Variants in ASPSCR1 observed in about 807,000 individuals in gnomAD.
ASPSCR1 encodes ASPSCR1 tether for SLC2A4, UBX domain containing.
ASPSCR1 carries 55 observed loss-of-function variants against 68.9 expected under a neutral mutation model. That is an observed-to-expected ratio of 0.80 (90% CI 0.64 to 1.00). The LOEUF (loss-of-function observed/expected upper bound fraction) is 1.00. ASPSCR1 is among the 50% of genes least tolerant of loss of function. ASPSCR1 has a pLI of 0.00. For missense variants in ASPSCR1, 765 were observed against 762.2 expected (o/e 1.00, Z -0.04); for synonymous variants, 352 against 332.6 (o/e 1.06, Z -0.63).
At position 81,977,732 on chromosome 17, in the gene ASPSCR1, G is replaced by T; in HGVS notation, c.86G>T (p.Ser29Ile). 7.8e-7 allele frequency: 1 copy of T among 1,279,240 alleles called. No homozygotes were observed. The allele number at this position is 1,279,240 out of a possible 1,614,324, so 79.2% of individuals were successfully genotyped here. Residue 29 changes from serine to isoleucine, a missense_variant, in exon 1 of 16, where the codon AGC becomes ATC. Transcript: ENST00000306739. The surrounding 1 kb of genome is among the most constrained non-coding windows in gnomAD (Gnocchi z 5.0). ...CGCCACACGGTGAAGGTGACGCCGA[G>T]CACCGTGCTGCTTCAGGTGCGGCCG... Reference protein sequence around the residue: ...GRRHTVKVTPSTVLLQVLEDT... With the variant: ...GRRHTVKVTPITVLLQVLEDT...
chr17:82,016,954 G>A lies in ASPSCR1; in HGVS notation c.1489G>A (p.Ala497Thr), dbSNP rs747243769. The A allele has an allele frequency of 6.2e-7, 1 of 1,611,718 alleles. No homozygotes were observed. The highest frequency in any genetic ancestry group is 1.1e-5 in the South Asian group (1 of 91,028). The change falls in exon 15 of 16, where the codon GCC becomes ACC. Residue 497 changes from alanine to threonine, a missense_variant. Transcript: ENST00000306739. Reference protein sequence around the residue: ...DVLVARYMSRAAGSPSPLPAP... With the variant: ...DVLVARYMSRTAGSPSPLPAP... ...GCCTCCCCACAGGTACATGTCCAGG[G>A]CCGCCGGGTCCCCTTCCCCATTGCC...
Position 81,977,934 on chromosome 17 carries a change from C to G in ASPSCR1, c.102+186C>G. ...GCTTCCGCTGGGGTCCCGGGGGTCC[C>G]GGGGGTCCCGAGTGGGGGCGGGGCG... On this transcript the variant is annotated intron_variant, in intron 1 of 15. Transcript: ENST00000306739. The surrounding 1 kb of genome is among the most constrained non-coding windows in gnomAD (Gnocchi z 5.0). 2.8e-6 allele frequency: 1 copy of G among 354,038 alleles called. No individual in the cohort carries two copies. The highest frequency in any genetic ancestry group is 4.8e-6 in the Non-Finnish European group (1 of 208,764). The allele number at this position is 354,038 out of a possible 1,614,324, so 21.9% of individuals were successfully genotyped here. A position where few individuals can be genotyped will look rare whatever the true frequency, so the allele number is the denominator to read the frequency against.
At chr17:82,000,091 G>A (rs1353317666) in intron 7 of ASPSCR1, among the ~76,000 whole-genome samples, 1 of 152,252 alleles carries the variant, frequency 6.6e-6, no homozygotes, top group Non-Finnish European at 1.5e-5. Flanking sequence ...CGACCCGTGT[G>A]CTCCGGGTGA....
chr17:81,997,366 G>A (rs1361576260), intron 7 of ASPSCR1, among the ~76,000 whole-genome samples: 1 of 152,182 alleles, frequency 6.6e-6, no homozygotes, highest in Non-Finnish European at 1.5e-5. Flanking sequence ...CAGGGAAGGG[G>A]GAGCTGGTGA....
intron 3 of ASPSCR1, among the ~76,000 whole-genome samples, chr17:81,984,252 C>T (rs1014184264): frequency 3.3e-5 from 5 of 152,178 alleles, no homozygotes; most frequent in Admixed American, 6.5e-5. Flanking sequence ...CCAGCCTGAC[C>T]ACCTGCTCAT....
chr17:81,992,316 G>C (rs760807090), intron 4 of ASPSCR1, among the ~76,000 whole-genome samples: 2 of 152,180 alleles, frequency 1.3e-5, no homozygotes, highest in Non-Finnish European at 2.9e-5. Flanking sequence ...ACACTGGGCC[G>C]GCGTAGAAGG....
chr17:82,014,040 C>T (rs1023014897), intron 12 of ASPSCR1: 9 of 152,256 alleles, frequency 5.9e-5, no homozygotes, highest in African/African-American at 2.2e-4. Context: ...GCAAGCCTGG[C>T]TCCTAACACC....
At chr17:82,009,707 T>C in intron 9 of ASPSCR1, 140 bp downstream of exon 9, 1 of 629,104 alleles carries the variant, frequency 1.6e-6, no homozygotes, top group Non-Finnish European at 2.7e-6. Flanking sequence ...TGGTGGCGAC[T>C]GAGGCACAGC....
chr17:82,016,643 A>C (rs1190678288), intron 13 of ASPSCR1, 116 bp downstream of exon 13: 4 of 1,466,906 alleles, frequency 2.7e-6, no homozygotes, highest in South Asian at 1.2e-5. Flanking sequence ...TGAGAGGGAG[A>C]TCTGCGGCCC....
At chr17:81,978,916 C>G (rs1331456048) in intron 1 of ASPSCR1, 1 of 547,508 alleles carries the variant, frequency 1.8e-6, no homozygotes, top group African/African-American at 1.9e-5. Flanking sequence ...AGGAAGATGC[C>G]CGTGTTGCTG....
In ASPSCR1 at chr17:81,986,300, T is replaced by TACCA. The variant is rs771334750; in HGVS notation, c.374+693_374+694insACCA. ...TTAGGCCAGGCATAGTGCATGGTGG[T>TACCA]GCGTGCCTGTGGTCCCAGCTATGCC... On this transcript the variant is annotated intron_variant, in intron 4 of 15. Transcript: ENST00000306739. The surrounding 1 kb of genome is among the most constrained non-coding windows in gnomAD (Gnocchi z 5.2). Among the ~76,000 whole-genome samples, 13 of 152,080 alleles carry TACCA rather than the reference T, an allele frequency of 8.5e-5. No homozygotes were observed. The highest frequency in any genetic ancestry group is 3.9e-4 in the Admixed American group (6 of 15,262).
At chr17:82,005,542 C>T (rs1391001261) in intron 7 of ASPSCR1, 2 of 152,222 alleles carry the variant, frequency 1.3e-5, no homozygotes, top group Non-Finnish European at 2.9e-5. Context: ...CCAGGGACAC[C>T]TGGCGGCCAC....
At chr17:81,991,802 G>A (rs1415503869) in intron 4 of ASPSCR1, among the ~76,000 whole-genome samples, 1 of 152,272 alleles carries the variant, frequency 6.6e-6, no homozygotes, top group African/African-American at 2.4e-5. Flanking sequence ...CAGGGCGCAT[G>A]CTGCTGCCTG....
chr17:82,010,494 A>C lies in ASPSCR1; in HGVS notation c.1171-308A>C, dbSNP rs1192033973. ...CAGTGAGCCGAGATCATGCCACTGC[A>C]CTCCAGCCTGGGCGACAGAGTGAGA... On this transcript the variant is annotated intron_variant, in intron 9 of 15. Coordinates refer to ENST00000306739, the MANE Select transcript of ASPSCR1 (RefSeq NM_024083.4). Among the ~76,000 whole-genome samples, 16 of 143,422 alleles carry C rather than the reference A, an allele frequency of 1.1e-4. No homozygotes were observed. In the Admixed American group the frequency reaches 1.2e-3, roughly 11 times the overall value. The allele number at this position is 143,422 out of a possible 152,430, so 94.1% of individuals were successfully genotyped here. A position where few individuals can be genotyped will look rare whatever the true frequency, so the allele number is the denominator to read the frequency against.
intron 4 of ASPSCR1, among the ~76,000 whole-genome samples, chr17:81,991,105 A>G (rs2042146576): frequency 1.3e-5 from 2 of 152,158 alleles, no homozygotes; most frequent in African/African-American, 4.8e-5. Flanking sequence ...CTCACACAGC[A>G]GCTGAGCCGC....
chr17:82,003,954 C>T (rs2042621011), intron 7 of ASPSCR1, among the ~76,000 whole-genome samples: 1 of 152,248 alleles, frequency 6.6e-6, no homozygotes, highest in Admixed American at 6.5e-5. Flanking sequence ...CTCACCGGAG[C>T]CCTGGCGGGG....
At chr17:82,007,354 T>G (rs1472991018) in intron 7 of ASPSCR1, 1 of 152,136 alleles carries the variant, frequency 6.6e-6, no homozygotes, top group Non-Finnish European at 1.5e-5. Context: ...AATTAGAGAT[T>G]TTTTCAGTTT....
In ASPSCR1 at chr17:82,002,456, T is replaced by C. The variant is rs1567979199; in HGVS notation, c.933+5610T>C. ...TCTTTGTAGAGAAGGGGTTTTGCCA[T>C]GTTGGTCAGGCTGGTCTCGCACTCC... On this transcript the variant is annotated intron_variant, in intron 7 of 15. Coordinates refer to ENST00000306739, the MANE Select transcript of ASPSCR1 (RefSeq NM_024083.4). Among the ~76,000 whole-genome samples the C allele has an allele frequency of 2.6e-5, 4 of 152,162 alleles. No individual in the cohort carries two copies. In the South Asian group the frequency reaches 8.3e-4, roughly 32 times the overall value.
intron 4 of ASPSCR1, among the ~76,000 whole-genome samples, chr17:81,985,900 A>C (rs1394404509): frequency 6.6e-6 from 1 of 151,986 alleles, no homozygotes; most frequent in African/African-American, 2.4e-5. Flanking sequence ...CCTGGTGAGC[A>C]CTAAGGGGAG....
Sources: allele counts gnomAD v4.1 joint callset (sites outside exome capture counted in the v4.1 genomes callset), GRCh38; gene constraint gnomAD v4.1.1; non-coding constraint Gnocchi (gnomAD v3.1); transcripts MANE v1.5; gene names NCBI Gene and HGNC (gene_info 2026-07-23, HGNC 2026-07-21).